Variants in NCOA3 observed in about 807,000 individuals in gnomAD.
NCOA3 encodes the protein nuclear receptor coactivator 3, also known as CBP-interacting protein.
Under a neutral mutation model 158.8 loss-of-function variants are expected in NCOA3, and 51 were observed. The observed-to-expected ratio is 0.32, with a 90% CI of 0.26 to 0.41. The LOEUF is 0.41. NCOA3 is among the 10% of genes least tolerant of loss of function. The probability of loss-of-function intolerance (pLI) is 1.00; values close to 1 mark genes in which losing one functional copy is unlikely to be tolerated. For synonymous variants in NCOA3, 537 were observed against 592.4 expected (o/e 0.91, Z 1.36); for missense variants, 1,510 against 1,746.6 (o/e 0.86, Z 2.41).
At chr20:47,509,457 G>C (rs1432106199) in intron 1 of NCOA3, among the ~76,000 whole-genome samples, 1 of 152,206 alleles carries the variant, frequency 6.6e-6, no homozygotes, top group Non-Finnish European at 1.5e-5. Flanking sequence ...AAGTGTGTGT[G>C]TGTGAGAGAG....
chr20:47,628,011 C>T lies in NCOA3; in HGVS notation c.811C>T (p.His271Tyr). 6.2e-7 allele frequency: 1 copy of T among 1,612,348 alleles called. No homozygotes were observed. The highest frequency in any genetic ancestry group is 8.5e-7 in the Non-Finnish European group (1 of 1,178,430). Reference protein sequence around the residue: ...PSNPESFITRHDLSGKVVNID... With the variant: ...PSNPESFITRYDLSGKVVNID... ...AAACCCTGAGAGCTTTATTACCAGA[C>T]ATGATCTTTCAGGTAAAAACTCTTT... is the stretch of plus-strand genomic sequence containing the variant. Residue 271 changes from histidine to tyrosine, a missense_variant, in exon 8 of 23, where the codon CAT becomes TAT. Coordinates refer to ENST00000371998, the MANE Select transcript of NCOA3 (RefSeq NM_181659.3).
intron 2 of NCOA3, among the ~76,000 whole-genome samples, chr20:47,592,228 A>G (rs1056670584): frequency 6.6e-6 from 1 of 152,066 alleles, no homozygotes; most frequent in African/African-American, 2.4e-5. Context: ...TATTTTTAGT[A>G]GAGATGGGGT....
At chr20:47,617,010 A>G (rs2086150466) in intron 2 of NCOA3, among the ~76,000 whole-genome samples, 1 of 152,100 alleles carries the variant, frequency 6.6e-6, no homozygotes, top group African/African-American at 2.4e-5. Context: ...GCTGGAGTGC[A>G]GTGGCGCGGT....
rs1014740644 is a variant in NCOA3, at chr20:47,644,601, T to C, written c.3252+2217T>C. Among the ~76,000 whole-genome samples, 6 of 152,238 alleles carry C rather than the reference T, an allele frequency of 3.9e-5. No homozygotes were observed. The East Asian group carries it at 1.2e-3, about 29-fold the overall frequency. On this transcript the variant is annotated intron_variant, in intron 17 of 22. Transcript: ENST00000371998. ...AAGAGTGAGACATTAAGAAGCTGATTTGACACTTTGCAAGTGTGAGCAGCA... is the reference window on the plus strand; with the variant it reads ...AAGAGTGAGACATTAAGAAGCTGATCTGACACTTTGCAAGTGTGAGCAGCA...
chr20:47,604,971 A>G (rs1362192209), intron 2 of NCOA3, among the ~76,000 whole-genome samples: 1 of 152,122 alleles, frequency 6.6e-6, no homozygotes, highest in Non-Finnish European at 1.5e-5. Flanking sequence ...GGTTCAAGTG[A>G]TTCTCCTGCC....
At chr20:47,522,715 G>A (rs555406840) in intron 1 of NCOA3, among the ~76,000 whole-genome samples, 1 of 152,092 alleles carries the variant, frequency 6.6e-6, no homozygotes, top group Admixed American at 6.6e-5. Context: ...TTCTACACAC[G>A]TGGGGATATG....
intron 1 of NCOA3, among the ~76,000 whole-genome samples, chr20:47,512,300 G>A (rs1022162908): frequency 3.3e-5 from 5 of 151,984 alleles, no homozygotes; most frequent in Admixed American, 6.5e-5. Flanking sequence ...ACTGGACCCC[G>A]TAGCTCACAC....
chr20:47,572,916 GT>G (rs1302487343), intron 1 of NCOA3, among the ~76,000 whole-genome samples: 4 of 152,112 alleles, frequency 2.6e-5, no homozygotes, highest in Admixed American at 2.0e-4. Context: ...CCACTATAGG[GT>G]TATTATTTGG....
At chr20:47,644,849 C>T (rs536525749) in intron 17 of NCOA3, among the ~76,000 whole-genome samples, 1 of 152,246 alleles carries the variant, frequency 6.6e-6, no homozygotes, top group East Asian at 1.9e-4. Flanking sequence ...AGGCGCACGC[C>T]ACCACGCCCG....
At position 47,636,464 on chromosome 20, in the gene NCOA3, A is replaced by G. The variant is rs1407115516; in HGVS notation, c.2078A>G (p.Asn693Ser). The G allele has an allele frequency of 1.2e-6, 2 of 1,614,040 alleles. No homozygotes were observed. Among genetic ancestry groups the G allele is most frequent in the African/African-American group, 1.3e-5 (1 of 74,934 alleles). Residue 693 changes from asparagine to serine, a missense_variant, in exon 12 of 23, where the codon AAT (asparagine) becomes AGT (serine). Around this residue, in one of 4 missense-constraint regions of NCOA3, gnomAD observed 1,017 missense variants for 1,098.3 expected, o/e 0.93. Coordinates refer to ENST00000371998, the MANE Select transcript of NCOA3 (RefSeq NM_181659.3). The stretch of plus-strand genomic sequence containing the variant: ...TTGCACAAGTTGCTGCAGAATGGGA[A>G]TTCACCAGCTGAGGTAGCCAAGATT... ...RILHKLLQNGNSPAEVAKITA... is the reference protein window; with the variant it reads ...RILHKLLQNGSSPAEVAKITA...
intron 2 of NCOA3, among the ~76,000 whole-genome samples, chr20:47,596,696 C>G (rs2085761845): frequency 6.6e-6 from 1 of 152,138 alleles, no homozygotes; most frequent in African/African-American, 2.4e-5. Flanking sequence ...AGCGATACTC[C>G]CACCTCAGCC....
intron 2 of NCOA3, among the ~76,000 whole-genome samples, chr20:47,615,682 G>A (rs149248482): frequency 5.3e-4 from 80 of 152,226 alleles, no homozygotes; most frequent in African/African-American, 1.7e-3. Flanking sequence ...ATGTTCCATA[G>A]CTTGAATGTT....
intron 1 of NCOA3, among the ~76,000 whole-genome samples, chr20:47,527,135 A>G (rs2084468454): frequency 2.6e-5 from 4 of 152,166 alleles, no homozygotes; most frequent in Admixed American, 6.5e-5. Flanking sequence ...CATGTCTGTG[A>G]ATAAAGACAG....
intron 2 of NCOA3, among the ~76,000 whole-genome samples, chr20:47,614,109 C>T (rs72645232): frequency 0.069 from 10,522 of 152,032 alleles, 468 homozygotes; most frequent in Non-Finnish European, 0.1. Flanking sequence ...CCTTTACACA[C>T]GTTATATTTG....
At chr20:47,552,046 G>C (rs2084934592) in intron 1 of NCOA3, among the ~76,000 whole-genome samples, 2 of 152,198 alleles carry the variant, frequency 1.3e-5, no homozygotes, top group African/African-American at 4.8e-5. Context: ...TGTTGCCATG[G>C]TGACTGCTTG....
In NCOA3 at chr20:47,634,912, CTCT is replaced by C. The variant is rs1388059711; in HGVS notation, c.1113-402_1113-400del. On this transcript the variant is annotated intron_variant, in intron 10 of 22. Coordinates refer to ENST00000371998, the MANE Select transcript of NCOA3 (RefSeq NM_181659.3). ...TCTCCCTTCTTCCTTTCTTCTTCTT[CTCT>C]TCTTCTTTTTTTTTTTTTTTTTTTT... Among the ~76,000 whole-genome samples, 8 of 145,572 alleles carry C rather than the reference CTCT, an allele frequency of 5.5e-5. No individual in the cohort carries two copies. The East Asian group carries it at 1.0e-3, about 18-fold the overall frequency.
At chr20:47,516,374 T>G (rs1191038329) in intron 1 of NCOA3, among the ~76,000 whole-genome samples, 5 of 152,080 alleles carry the variant, frequency 3.3e-5, no homozygotes, top group Non-Finnish European at 7.4e-5. Flanking sequence ...AATGGCAGCT[T>G]TTATCTTTTC....
chr20:47,510,234 C>T (rs951591276), intron 1 of NCOA3, among the ~76,000 whole-genome samples: 3 of 151,766 alleles, frequency 2.0e-5, no homozygotes, highest in African/African-American at 7.3e-5. Context: ...AATTGGAGAC[C>T]ATCCTGGCCA....
intron 2 of NCOA3, among the ~76,000 whole-genome samples, chr20:47,619,936 C>T (rs2086208038): frequency 6.6e-6 from 1 of 151,774 alleles, no homozygotes; most frequent in African/African-American, 2.4e-5. Context: ...GCTGGGACTA[C>T]AGGCGCCTGC....
Sources: gnomAD v4.1 joint callset for allele counts (sites outside exome capture counted in the v4.1 genomes callset) on GRCh38, gnomAD v4.1.1 for gene constraint, gnomAD v4.1.1 regional missense constraint, MANE v1.5 for transcripts, NCBI Gene and HGNC (gene_info 2026-07-23, HGNC 2026-07-21) for gene names.